Variants in NRG3 observed in about 807,000 individuals in gnomAD.
The protein encoded by NRG3 is neuregulin 3.
A neutral mutation model predicts 66.9 loss-of-function variants in NRG3; 31 were observed. The ratio of observed to expected loss-of-function variants is 0.46; its 90% CI spans 0.35 to 0.63. The LOEUF (loss-of-function observed/expected upper bound fraction) is 0.63. Among genes scored for constraint, NRG3 ranks in the 20% least tolerant of loss-of-function variants. The pLI is 0.00. For synonymous variants in NRG3, 393 were observed against 359.4 expected, an observed-to-expected ratio of 1.09 and a Z score of -1.06; for missense variants, 910 against 878.9, an observed-to-expected ratio of 1.04 and a Z score of -0.45.
At chr10:82,325,853 A>G (rs867016634) in intron 1 of NRG3, among the ~76,000 whole-genome samples, 4 of 152,200 alleles carry the variant, frequency 2.6e-5, no homozygotes, top group African/African-American at 9.6e-5. Flanking sequence ...ATACATATAC[A>G]TAAACATATA....
chr10:82,937,417 C>T (rs757260653), intron 4 of NRG3, among the ~76,000 whole-genome samples: 4 of 152,114 alleles, frequency 2.6e-5, no homozygotes, highest in South Asian at 2.1e-4. Flanking sequence ...AGAGCGAGAC[C>T]CTGGGAACAG....
intron 1 of NRG3, among the ~76,000 whole-genome samples, chr10:82,150,421 G>A (rs997539869): frequency 4.1e-5 from 6 of 146,732 alleles, no homozygotes; most frequent in Non-Finnish European, 5.9e-5. Flanking sequence ...CGCCAACTCC[G>A]CCCAATCCCC....
chr10:82,161,697 G>A (rs2071615586), intron 1 of NRG3, among the ~76,000 whole-genome samples: 1 of 152,020 alleles, frequency 6.6e-6, no homozygotes, highest in African/African-American at 2.4e-5. Flanking sequence ...AGTAACAGGT[G>A]CTGTTGTCAC....
At chr10:82,094,729 G>T (rs1196582387) in intron 1 of NRG3, among the ~76,000 whole-genome samples, 1 of 152,090 alleles carries the variant, frequency 6.6e-6, no homozygotes, top group Non-Finnish European at 1.5e-5. Flanking sequence ...CATGTTTCTT[G>T]CAGCAACATA....
intron 3 of NRG3, among the ~76,000 whole-genome samples, chr10:82,784,170 A>G (rs1484940038): frequency 6.6e-6 from 1 of 152,160 alleles, no homozygotes; most frequent in Non-Finnish European, 1.5e-5. Context: ...GAAAGCTGAA[A>G]CTGGATCCCT....
At chr10:81,974,102 G>T (rs181020207) in intron 1 of NRG3, among the ~76,000 whole-genome samples, 4 of 152,046 alleles carry the variant, frequency 2.6e-5, no homozygotes, top group Admixed American at 2.6e-4. Context: ...TATGGAAGGG[G>T]TCCAGTTTTA....
At chr10:81,996,722 G>A (rs1441081908) in intron 1 of NRG3, among the ~76,000 whole-genome samples, 37 of 152,056 alleles carry the variant, frequency 2.4e-4, no homozygotes, top group Admixed American at 2.2e-3. Context: ...AAGGGAGAGA[G>A]AAAGGAGGGA....
intron 1 of NRG3, among the ~76,000 whole-genome samples, chr10:82,008,350 A>G (rs528920731): frequency 6.6e-6 from 1 of 152,354 alleles, no homozygotes; most frequent in East Asian, 1.9e-4. Flanking sequence ...AGAATACTCC[A>G]GTGACAAGAG....
chr10:82,427,708 T>A (rs1033465896), intron 2 of NRG3, among the ~76,000 whole-genome samples: 37 of 152,126 alleles, frequency 2.4e-4, no homozygotes, highest in African/African-American at 8.9e-4. Context: ...TGTATCAGAA[T>A]AACACTGGTC....
intron 4 of NRG3, among the ~76,000 whole-genome samples, chr10:82,881,419 A>T (rs896397053): frequency 2.0e-5 from 3 of 152,202 alleles, no homozygotes; most frequent in African/African-American, 7.2e-5. Flanking sequence ...TCATTTTCTC[A>T]TTACATTCAG....
chr10:82,913,955 T>G (rs1845581272), intron 4 of NRG3, among the ~76,000 whole-genome samples: 1 of 152,194 alleles, frequency 6.6e-6, no homozygotes, highest in Non-Finnish European at 1.5e-5. Context: ...TAAAATTGTC[T>G]CCTAGTTTTT....
chr10:82,755,922 C>T (rs1255360730), intron 3 of NRG3, among the ~76,000 whole-genome samples: 1 of 152,130 alleles, frequency 6.6e-6, no homozygotes, highest in African/African-American at 2.4e-5. Context: ...TCAGTGATGC[C>T]AGCATCTTCC....
chr10:82,966,571 T>A (rs1489512214), intron 6 of NRG3, among the ~76,000 whole-genome samples: 2 of 152,186 alleles, frequency 1.3e-5, no homozygotes, highest in Non-Finnish European at 2.9e-5. Flanking sequence ...ACCCTTTTCT[T>A]CTCTCTCCTT....
At chr10:82,843,418 T>C (rs1193510050) in intron 3 of NRG3, among the ~76,000 whole-genome samples, 1 of 152,136 alleles carries the variant, frequency 6.6e-6, no homozygotes, top group Non-Finnish European at 1.5e-5. Flanking sequence ...TCCTAGACTT[T>C]CCAGTCTCCA....
chr10:81,978,692 C>G (rs542830257), intron 1 of NRG3, among the ~76,000 whole-genome samples: 2 of 151,188 alleles, frequency 1.3e-5, no homozygotes, highest in East Asian at 3.9e-4. Context: ...CTCTTAATAT[C>G]ATATATATAT....
chr10:82,558,691 T>C (rs2044814473), intron 2 of NRG3, among the ~76,000 whole-genome samples: 1 of 152,222 alleles, frequency 6.6e-6, no homozygotes, highest in Non-Finnish European at 1.5e-5. Context: ...CGCATTTCTC[T>C]AAAGTATAGA....
At chr10:82,863,736 C>G (rs1014863130) in intron 3 of NRG3, among the ~76,000 whole-genome samples, 1 of 152,086 alleles carries the variant, frequency 6.6e-6, no homozygotes, top group African/African-American at 2.4e-5. Context: ...TGCACATTCT[C>G]TCCCTCCTAG....
chr10:82,959,095 A>C lies in NRG3; in HGVS notation c.1284+20A>C. The C allele has an allele frequency of 6.4e-7, 1 of 1,572,558 alleles. No individual in the cohort carries two copies. Among genetic ancestry groups the C allele is most frequent in the Non-Finnish European group, 8.6e-7 (1 of 1,164,634 alleles). Reference sequence around the variant, plus strand: ...CAAAATGTAAGTGACATGTCTACACACCTCCTCCTATAGCCTACCTCAGTG... The same window carrying C: ...CAAAATGTAAGTGACATGTCTACACCCCTCCTCCTATAGCCTACCTCAGTG... On this transcript the variant is annotated intron_variant, in intron 6 of 8. Transcript: ENST00000372141.
chr10:82,731,182 C>T (rs2057881411), intron 2 of NRG3, among the ~76,000 whole-genome samples: 2 of 151,968 alleles, frequency 1.3e-5, no homozygotes, highest in South Asian at 4.2e-4. Flanking sequence ...GCCTGGCCAA[C>T]ATGGTGAAAC....
Sources: allele counts gnomAD v4.1 joint callset (sites outside exome capture counted in the v4.1 genomes callset), GRCh38; gene constraint gnomAD v4.1.1; transcripts MANE v1.5; gene names NCBI Gene and HGNC (gene_info 2026-07-23, HGNC 2026-07-21).